Variants in MRPL4 observed in about 807,000 individuals in gnomAD.
MRPL4 encodes large ribosomal subunit protein uL4m.
A neutral mutation model predicts 34.1 loss-of-function variants in MRPL4; 34 were observed. The observed-to-expected ratio is 1.00, with a 90% CI of 0.76 to 1.33. The LOEUF is 1.33. Ranked by LOEUF, MRPL4 falls within the 40% of genes most tolerant of loss-of-function variation. The pLI is 0.00. For missense variants in MRPL4, 402 were observed against 434.6 expected (o/e 0.92, Z 0.67); for synonymous variants, 196 against 188.3 (o/e 1.04, Z -0.33).
rs968024150 is a variant in MRPL4 at position 10,259,723 on chromosome 19, C to T, written c.846C>T (p.Pro282=). Residue 282 remains proline (P), a synonymous_variant, in exon 9 of 9, where the codon CCC becomes CCT. Coordinates refer to ENST00000253099, the MANE Select transcript of MRPL4 (RefSeq NM_015956.3). ...KLLWQDSRYR[P]LYPFSLPYSD... is the part of the protein sequence containing the mutation. ...TCTGGCAGGACTCACGTTACAGACC[C>T]CTCTACCCCTTCAGCCTGCCCTACA... is the stretch of plus-strand genomic sequence containing the variant. The T allele has an allele frequency of 1.2e-6, 2 of 1,614,046 alleles. No homozygotes were observed. Among genetic ancestry groups the T allele is most frequent in the Non-Finnish European group, 8.5e-7 (1 of 1,179,980 alleles).
At chr19:10,258,746 G>A (rs749710625) in intron 8 of MRPL4, 61 bp downstream of exon 8, 1 of 1,613,688 alleles carries the variant, frequency 6.2e-7, no homozygotes, top group South Asian at 1.1e-5. Flanking sequence ...TAGAATCACA[G>A]CGGTTCAAAT....
intron 3 of MRPL4, 77 bp downstream of exon 3, chr19:10,252,778 G>GA: frequency 6.6e-7 from 1 of 1,525,248 alleles, no homozygotes. Context: ...ATGACTTTGG[G>GA]CTTGTACCCT....
intron 8 of MRPL4, 180 bp downstream of exon 8, chr19:10,258,865 G>C: frequency 6.6e-7 from 1 of 1,517,274 alleles, no homozygotes; most frequent in Non-Finnish European, 8.8e-7. Flanking sequence ...GCTGGGGATG[G>C]TGGCTCACGC....
intron 4 of MRPL4, among the ~76,000 whole-genome samples, chr19:10,256,381 G>A (rs2039851698): frequency 6.6e-6 from 1 of 152,116 alleles, no homozygotes; most frequent in African/African-American, 2.4e-5. Flanking sequence ...AGGAATCAGA[G>A]GTTGCAGTGA....
intron 5 of MRPL4, 120 bp from the exon 6 acceptor site, chr19:10,258,102 C>G (rs1324653887): frequency 1.5e-6 from 1 of 683,334 alleles, no homozygotes; most frequent in Non-Finnish European, 2.5e-6. Context: ...GCCCCACCCT[C>G]TCTGCCTTGT....
At chr19:10,255,943 C>G (rs911110654) in intron 4 of MRPL4, among the ~76,000 whole-genome samples, 4 of 151,906 alleles carry the variant, frequency 2.6e-5, no homozygotes. Flanking sequence ...GCCAGGAGTT[C>G]CAAACCAGCC....
rs376235419 is a variant in MRPL4 at position 10,258,178 on chromosome 19, C to T, written c.446-44C>T. ...CTGCAGCAGATTGCTGACCTCCAGG[C>T]TCTGCAGTGGCCCCTACCTGCTCAC... On this transcript the variant is annotated intron_variant, in intron 5 of 8. Transcript: ENST00000253099. The T allele has an allele frequency of 3.7e-4, 517 of 1,392,536 alleles. 5 individuals carry two copies. Among genetic ancestry groups the T allele is most frequent in the Non-Finnish European group, 1.1e-4 (105 of 984,216 alleles). 86.3% of individuals were successfully genotyped at this position (1,392,536 alleles called of 1,614,324 possible).
rs1021148004 is a variant in MRPL4 at position 10,259,807 on chromosome 19, C to T, written c.930C>T (p.His310=). ...ATQGPAATPY[H]C is the part of the protein sequence containing the mutation. ...AGGGCCCAGCGGCCACCCCGTACCACTGTTGATGTGAAGCACCTCTTCTGA... is the reference window on the plus strand; with the variant it reads ...AGGGCCCAGCGGCCACCCCGTACCATTGTTGATGTGAAGCACCTCTTCTGA... The change falls in exon 9 of 9, where the codon CAC becomes CAT. Residue 310 remains histidine (H), a synonymous_variant. Transcript: ENST00000253099. 6 of 1,606,256 alleles carry T rather than the reference C, an allele frequency of 3.7e-6. No individual in the cohort carries two copies. Among genetic ancestry groups the T allele is most frequent in the Admixed American group, 3.4e-5 (2 of 59,342 alleles).
At chr19:10,259,441 C>T (rs2145476678) in intron 8 of MRPL4, 176 bp from the exon 9 acceptor site, 8 of 1,429,376 alleles carry the variant, frequency 5.6e-6, no homozygotes, top group Middle Eastern at 2.5e-4. Context: ...TGGCCAGAGG[C>T]TTACAGGCAA....
In MRPL4 at chr19:10,259,280, G is replaced by A. The variant is rs757835474; in HGVS notation, c.740-337G>A. The A allele has an allele frequency of 3.7e-5, 50 of 1,360,992 alleles. No homozygotes were observed. In the Middle Eastern group the frequency reaches 8.1e-4, roughly 22 times the overall value. The allele number at this position is 1,360,992 out of a possible 1,614,324, so 84.3% of individuals were successfully genotyped here. A position where few individuals can be genotyped will look rare whatever the true frequency, so the allele number is the denominator to read the frequency against. On this transcript the variant is annotated intron_variant, in intron 8 of 8. Coordinates refer to ENST00000253099, the MANE Select transcript of MRPL4 (RefSeq NM_015956.3). ...AAAGCCCAAGTCATCAGGGTGGCAC[G>A]TCAGGCCCTGCACGATGTGCCCCGT... is the stretch of plus-strand genomic sequence containing the variant.
In MRPL4 at chr19:10,252,475, G is replaced by C. The variant is rs773332615; in HGVS notation, c.124+12G>C. On this transcript the variant is annotated intron_variant, in intron 2 of 8. Coordinates refer to ENST00000253099, the MANE Select transcript of MRPL4 (RefSeq NM_015956.3). ...GGTGGCGAGCGAGGGTAAGGCAACCGGGGTGGCTCCAGGAGGGGCGGCGAC... is the reference window on the plus strand; with the variant it reads ...GGTGGCGAGCGAGGGTAAGGCAACCCGGGTGGCTCCAGGAGGGGCGGCGAC... 5 of 1,613,930 alleles carry C rather than the reference G, an allele frequency of 3.1e-6. No homozygotes were observed. In the Admixed American group the frequency reaches 6.7e-5, roughly 22 times the overall value.
intron 4 of MRPL4, among the ~76,000 whole-genome samples, chr19:10,256,125 A>G (rs2039849136): frequency 6.6e-6 from 1 of 152,078 alleles, no homozygotes. Flanking sequence ...ATCTCTACTA[A>G]AAATACAAAT....
chr19:10,256,006 G>A (rs184290637), intron 4 of MRPL4, among the ~76,000 whole-genome samples: 1 of 151,972 alleles, frequency 6.6e-6, no homozygotes, highest in African/African-American at 2.4e-5. Context: ...AATTAGCTGG[G>A]GCCAGGTGCG....
chr19:10,253,309 T>C (rs762685168), intron 3 of MRPL4, among the ~76,000 whole-genome samples: 5 of 150,738 alleles, frequency 3.3e-5, no homozygotes, highest in Non-Finnish European at 7.4e-5. Context: ...ACCCCGTCTC[T>C]ACTAAAAATA....
upstream of MRPL4, chr19:10,251,959 C>T (rs951840148): frequency 1.8e-5 from 9 of 493,328 alleles, no homozygotes; most frequent in African/African-American, 1.6e-4. Flanking sequence ...TCGTCGGAGG[C>T]GGGACCCAAA....
At chr19:10,258,009 C>T (rs1192908239) in intron 5 of MRPL4, among the ~76,000 whole-genome samples, 1 of 152,048 alleles carries the variant, frequency 6.6e-6, no homozygotes, top group Non-Finnish European at 1.5e-5. Flanking sequence ...AGCCCTGTCT[C>T]AGAGTGTGAC....
In MRPL4 at chr19:10,252,604, C is replaced by T. The variant is rs45520838; in HGVS notation, c.178C>T (p.Arg60Cys). 3.7e-3 allele frequency: 5,941 copies of T among 1,612,812 alleles called. 17 individuals are homozygous for T. The highest frequency in any genetic ancestry group is 9.2e-3 in the Middle Eastern group (56 of 6,062). Reference protein sequence around the residue: ...KVELPVPTHRRPVQAWVESLR... With the variant: ...KVELPVPTHRCPVQAWVESLR... ...CGAGCTCCCGGTACCCACTCATCGA[C>T]GCCCAGTGCAGGCCTGGGTCGAGTC... The change falls in exon 3 of 9, where the codon CGC (arginine) becomes TGC (cysteine). Residue 60 changes from arginine (R) to cysteine (C), a missense_variant. Transcript: ENST00000253099.
At chr19:10,252,751 G>A in intron 3 of MRPL4, 50 bp downstream of exon 3, 2 of 1,571,242 alleles carry the variant, frequency 1.3e-6, no homozygotes, top group East Asian at 2.3e-5. Context: ...ATGAAGAGCG[G>A]GATTTCAGGA....
At chr19:10,256,616 C>T in intron 4 of MRPL4, 92 bp from the exon 5 acceptor site, 1 of 1,024,088 alleles carries the variant, frequency 9.8e-7, no homozygotes, top group Non-Finnish European at 1.5e-6. Context: ...ATCATGGTGC[C>T]TCCTGTCTGA....
Sources: gnomAD v4.1 joint callset for allele counts (sites outside exome capture counted in the v4.1 genomes callset) on GRCh38, gnomAD v4.1.1 for gene constraint, MANE v1.5 for transcripts, NCBI Gene and HGNC (gene_info 2026-07-23, HGNC 2026-07-21) for gene names.